The following WDR33 variants were observed in gnomAD, a reference collection of about 807,000 sequenced individuals.
WDR33 encodes pre-mRNA 3' end processing protein WDR33.
A neutral mutation model predicts 164.9 loss-of-function variants in WDR33; 47 were observed. The observed-to-expected ratio is 0.29, with a 90% CI of 0.23 to 0.36. The LOEUF (loss-of-function observed/expected upper bound fraction) is 0.36, where lower values mean the gene tolerates loss of function less well. Ranked by LOEUF, WDR33 falls within the 10% of genes least tolerant of loss-of-function variation. The pLI is 1.00. For synonymous variants in WDR33, 505 were observed against 589.0 expected (o/e 0.86, Z 2.06); for missense variants, 1,137 against 1,754.1 (o/e 0.65, Z 6.28).
rs574319019 is a variant in WDR33 at position 127,714,110 on chromosome 2, C to T, written c.2870-89G>A. ...TGTAGCATCTCTACATTTCAGAATA[C>T]ATTCTTTATTGAGAATGTTTTCCCT... On this transcript the variant is annotated intron_variant, in intron 17 of 21. Coordinates refer to ENST00000322313, the MANE Select transcript of WDR33 (RefSeq NM_018383.5). This position sits in a 1 kb window ranked among gnomAD's most constrained non-coding sequence, Gnocchi z 4.3. The T allele has an allele frequency of 7.6e-7, 1 of 1,318,278 alleles. No individual in the cohort carries two copies. Among genetic ancestry groups the T allele is most frequent in the South Asian group, 1.7e-5 (1 of 59,184 alleles). The allele number at this position is 1,318,278 out of a possible 1,614,324, so 81.7% of individuals were successfully genotyped here.
intron 1 of WDR33, among the ~76,000 whole-genome samples, chr2:127,810,580 G>T (rs1689616016): frequency 6.6e-6 from 1 of 152,148 alleles, no homozygotes; most frequent in Non-Finnish European, 1.5e-5. Flanking sequence ...TTCAAGCCAC[G>T]ATAACATCAC....
In WDR33 at chr2:127,717,238, G is replaced by A; in HGVS notation, c.2786C>T (p.Pro929Leu). ...CTGCTGCCCTAGGCCTGGTATCAGGGGTGGGGGGCCTGTGCTCTGTCCTTC... is the reference window on the plus strand; with the variant it reads ...CTGCTGCCCTAGGCCTGGTATCAGGAGTGGGGGGCCTGTGCTCTGTCCTTC... ...NQEGQSTGPPPLIPGLGQQGA... is the reference protein window; with the variant it reads ...NQEGQSTGPPLLIPGLGQQGA... Residue 929 changes from proline (P) to leucine (L), a missense_variant, in exon 17 of 22, where the codon CCC (proline) becomes CTC (leucine). Around this residue, in one of 9 missense-constraint regions of WDR33, gnomAD observed 867 missense variants for 1,073.0 expected, o/e 0.81. Transcript: ENST00000322313. The surrounding 1 kb of genome is among the most constrained non-coding windows in gnomAD (Gnocchi z 5.6). The A allele has an allele frequency of 6.2e-7, 1 of 1,603,476 alleles. No individual in the cohort carries two copies. The highest frequency in any genetic ancestry group is 8.5e-7 in the Non-Finnish European group (1 of 1,175,406).
Position 127,750,650 on chromosome 2 carries a change from T to TA in WDR33, c.724+12411dup, listed in dbSNP as rs1174539929. On this transcript the variant is annotated intron_variant, in intron 7 of 21. Coordinates refer to ENST00000322313, the MANE Select transcript of WDR33 (RefSeq NM_018383.5). ...GGGCAACAAGAGTGAAACTCCATCT[T>TA]AAAAAAAAAAAAAAAAAAAAAAAAA... 2.5e-3 allele frequency among the ~76,000 whole-genome samples: 37 copies of TA among 14,962 alleles called. 6 individuals are homozygous for TA. The highest frequency in any genetic ancestry group is 3.8e-3 in the Admixed American group (3 of 786). The allele number at this position is 14,962 out of a possible 152,430, so 9.8% of individuals were successfully genotyped here.
intron 7 of WDR33, among the ~76,000 whole-genome samples, chr2:127,758,843 C>T (rs1375813266): frequency 6.6e-6 from 1 of 152,154 alleles, no homozygotes; most frequent in Non-Finnish European, 1.5e-5. Flanking sequence ...AATATCTCAC[C>T]TTCCTATTAA....
chr2:127,772,625 C>T (rs1688047215), intron 1 of WDR33, among the ~76,000 whole-genome samples: 1 of 151,892 alleles, frequency 6.6e-6, no homozygotes, highest in African/African-American at 2.4e-5. Context: ...AAAAAAAGTA[C>T]GTATGCCCAA....
chr2:127,765,856 G>A (rs575950536), intron 4 of WDR33, among the ~76,000 whole-genome samples: 51 of 148,890 alleles, frequency 3.4e-4, no homozygotes, highest in African/African-American at 1.1e-3. Flanking sequence ...TAACTCTTAC[G>A]CTGATCTACT....
Position 127,769,019 on chromosome 2 carries a change from A to G in WDR33, c.205-18T>C, listed in dbSNP as rs369604761. ...ATTCTGTTCTGTTAAATAAATAAAT[A>G]AATAAATAAATAAATAAATAGATCA... is the stretch of plus-strand genomic sequence containing the variant. On this transcript the variant is annotated intron_variant, in intron 2 of 21. Coordinates refer to ENST00000322313, the MANE Select transcript of WDR33 (RefSeq NM_018383.5). 4 of 1,246,994 alleles carry G rather than the reference A, an allele frequency of 3.2e-6. No individual in the cohort carries two copies. The highest frequency in any genetic ancestry group is 6.3e-5 in the East Asian group (2 of 31,540). The allele number at this position is 1,246,994 out of a possible 1,614,324, so 77.2% of individuals were successfully genotyped here.
chr2:127,748,830 G>A lies in WDR33; in HGVS notation c.724+14232C>T, dbSNP rs983786147. ...GTGGTGCATGGCTCATTACTGTCTC[G>A]ATCTCCTGGGCTCAAGTGATCCTCC... On this transcript the variant is annotated intron_variant, in intron 7 of 21. Coordinates refer to ENST00000322313, the MANE Select transcript of WDR33 (RefSeq NM_018383.5). Among the ~76,000 whole-genome samples, 17 of 146,584 alleles carry A rather than the reference G, an allele frequency of 1.2e-4. No homozygotes were observed. In the East Asian group the frequency reaches 1.2e-3, roughly 10 times the overall value.
At chr2:127,784,480 C>T (rs551031545) in intron 1 of WDR33, among the ~76,000 whole-genome samples, 3 of 152,256 alleles carry the variant, frequency 2.0e-5, no homozygotes, top group Admixed American at 2.0e-4. Context: ...ACCATGTAGG[C>T]TCAGGTCATC....
At chr2:127,750,705 T>TGTATACATAC (rs1558936958) in intron 7 of WDR33, among the ~76,000 whole-genome samples, 12 of 58,094 alleles carry the variant, frequency 2.1e-4, no homozygotes, top group African/African-American at 1.2e-3. Context: ...TATATATATA[T>TGTATACATAC]ATATATATGT....
intron 1 of WDR33, among the ~76,000 whole-genome samples, chr2:127,806,311 G>A (rs1025333495): frequency 2.0e-5 from 3 of 150,160 alleles, no homozygotes; most frequent in Non-Finnish European, 4.4e-5. Context: ...GGGTTCAAGC[G>A]ATTCTCATGC....
intron 1 of WDR33, among the ~76,000 whole-genome samples, chr2:127,806,198 GTTTTTC>G (rs1226611226): frequency 1.4e-5 from 2 of 145,972 alleles, no homozygotes; most frequent in Non-Finnish European, 1.5e-5. Flanking sequence ...CTCTTTAGTT[GTTTTTC>G]TTTTTCTTTT....
chr2:127,719,811 T>C lies in WDR33; in HGVS notation c.2214A>G (p.Gln738=). ...HLGPQGPPGT[Q]GMQGPPGPRG... Reference sequence around the variant, plus strand: ...TGGGACCAGGTGGTCCCTGCATACCTTGAGTACCCGGAGGCCCCTGTGGGC... The same window carrying C: ...TGGGACCAGGTGGTCCCTGCATACCCTGAGTACCCGGAGGCCCCTGTGGGC... The change falls in exon 16 of 22, where the codon CAA becomes CAG. Residue 738 remains glutamine, a synonymous_variant. Transcript: ENST00000322313. The surrounding 1 kb of genome is among the most constrained non-coding windows in gnomAD (Gnocchi z 6.5). The C allele has an allele frequency of 6.2e-7, 1 of 1,613,674 alleles. No homozygotes were observed. The highest frequency in any genetic ancestry group is 8.5e-7 in the Non-Finnish European group (1 of 1,179,962).
At position 127,738,006 on chromosome 2, in the gene WDR33, C is replaced by T; in HGVS notation, c.725-11229G>A. ...TAAACTTTGTCCACCTACTGTTATT[C>T]ACCTCTTGACAGAAAGGAAGTAACA... On this transcript the variant is annotated intron_variant, in intron 7 of 21. Transcript: ENST00000322313. The surrounding 1 kb of genome is among the most constrained non-coding windows in gnomAD (Gnocchi z 4.4). 1 of 1,612,784 alleles carries T rather than the reference C, an allele frequency of 6.2e-7. No homozygotes were observed. Among genetic ancestry groups the T allele is most frequent in the South Asian group, 1.1e-5 (1 of 90,806 alleles).
chr2:127,757,440 C>G (rs1446037954), intron 7 of WDR33, among the ~76,000 whole-genome samples: 2 of 152,068 alleles, frequency 1.3e-5, no homozygotes, highest in Non-Finnish European at 2.9e-5. Flanking sequence ...AATAAGACAA[C>G]CTACCATGAT....
intron 17 of WDR33, among the ~76,000 whole-genome samples, chr2:127,715,061 C>T (rs575374310): frequency 4.6e-5 from 7 of 151,558 alleles, no homozygotes; most frequent in Middle Eastern, 3.4e-3. Context: ...CAACAGCATC[C>T]CTCTTCTTTC....
At position 127,708,862 on chromosome 2, in the gene WDR33, G is replaced by A; in HGVS notation, c.3596C>T (p.Pro1199Leu). ...GPGHEHFRDT[P>L]RPDHPPHDGH... ...GTCGTGAGGGGGATGATCAGGGCGG[G>A]GAGTATCACGAAAATGTTCATGACC... The change falls in exon 21 of 22, where the codon CCC becomes CTC. Residue 1199 changes from proline to leucine, a missense_variant. By Grantham distance (98) the Pro-to-Leu change is moderately conservative. Transcript: ENST00000322313. This position sits in a 1 kb window ranked among gnomAD's most constrained non-coding sequence, Gnocchi z 6.7. The A allele has an allele frequency of 6.3e-7, 1 of 1,587,002 alleles. No homozygotes were observed. Among genetic ancestry groups the A allele is most frequent in the African/African-American group, 1.3e-5 (1 of 74,258 alleles).
Position 127,777,849 on chromosome 2 carries a change from C to T in WDR33, c.-23-6845G>A, listed in dbSNP as rs111719478. On this transcript the variant is annotated intron_variant, in intron 1 of 21. Transcript: ENST00000322313. ...CTGGTCCAGAACTCCTGAGCTCAAG[C>T]GATCCTCCCACCTCAGCCTCTCAAA... Among the ~76,000 whole-genome samples, 689 of 152,238 alleles carry T rather than the reference C, an allele frequency of 4.5e-3. 4 individuals are homozygous for T. Among genetic ancestry groups the T allele is most frequent in the Non-Finnish European group, 7.1e-3 (486 of 68,016 alleles).
intron 1 of WDR33, among the ~76,000 whole-genome samples, chr2:127,807,909 G>A (rs1689496023): frequency 6.6e-6 from 1 of 152,214 alleles, no homozygotes; most frequent in African/African-American, 2.4e-5. Context: ...AGGCTACAGT[G>A]AGCCATGATC....
Sources: allele counts gnomAD v4.1 joint callset (sites outside exome capture counted in the v4.1 genomes callset), GRCh38; gene constraint gnomAD v4.1.1; regional missense constraint gnomAD v4.1.1; non-coding constraint Gnocchi (gnomAD v3.1); transcripts MANE v1.5; gene names NCBI Gene and HGNC (gene_info 2026-07-23, HGNC 2026-07-21).